TRPM3: variants seen among roughly 807,000 people sequenced by gnomAD.
The protein encoded by TRPM3 is long transient receptor potential channel 3.
TRPM3 carries 77 observed loss-of-function variants against 181.2 expected under a neutral mutation model. The ratio of observed to expected loss-of-function variants is 0.42; its 90% confidence interval spans 0.35 to 0.51. The LOEUF is 0.51. Ranked by LOEUF, TRPM3 falls within the 20% of genes least tolerant of loss-of-function variation. The probability of loss-of-function intolerance (pLI) is 0.01; values close to 1 mark genes in which losing one functional copy is unlikely to be tolerated. For missense variants in TRPM3, 1,759 were observed against 2,196.7 expected (o/e 0.80, Z 3.98); for synonymous variants, 745 against 796.4 (o/e 0.94, Z 1.09).
chr9:70,640,647 C>T lies in TRPM3; in HGVS notation c.1359G>A (p.Ser453=), dbSNP rs768989146. Residue 453 remains serine (S), a synonymous_variant, in exon 10 of 26, where the codon TCG becomes TCA. Transcript: ENST00000677713. Reference sequence around the variant, plus strand: ...AAGCTAAGCTCAGTTGGTCTGGGGCCGAGGCATTGGCTCCTGTGTGAGGAC... The same window carrying T: ...AAGCTAAGCTCAGTTGGTCTGGGGCTGAGGCATTGGCTCCTGTGTGAGGAC... The part of the protein sequence containing the change: ...LTALLKGANA[S]APDQLSLALA... 1.4e-5 allele frequency: 22 copies of T among 1,613,144 alleles called. No homozygotes were observed. Among genetic ancestry groups the T allele is most frequent in the African/African-American group, 2.7e-5 (2 of 74,864 alleles).
chr9:70,864,576 AT>A, intron 1 of TRPM3, 65 bp from the exon 2 acceptor site: 1 of 1,235,990 alleles, frequency 8.1e-7, no homozygotes, highest in Non-Finnish European at 1.1e-6. Flanking sequence ...ACCGTGAAAT[AT>A]TTTTAACTAG....
chr9:70,667,046 G>A (rs1447833452), intron 9 of TRPM3, among the ~76,000 whole-genome samples: 1 of 151,864 alleles, frequency 6.6e-6, no homozygotes, highest in African/African-American at 2.4e-5. Flanking sequence ...ATTAAAGACA[G>A]TATTGGTGAA....
chr9:70,896,363 G>A (rs975030214), intron 1 of TRPM3, among the ~76,000 whole-genome samples: 1 of 152,056 alleles, frequency 6.6e-6, no homozygotes, highest in Non-Finnish European at 1.5e-5. Context: ...AGACTTACTT[G>A]GCCAAATTAA....
upstream of TRPM3, among the ~76,000 whole-genome samples, chr9:71,124,040 C>T (rs1429135611): frequency 1.3e-5 from 2 of 152,078 alleles, no homozygotes; most frequent in African/African-American, 4.8e-5. Flanking sequence ...GGATTCACAG[C>T]CCTCTCTAAT....
intron 8 of TRPM3, among the ~76,000 whole-genome samples, chr9:70,740,124 T>C (rs1282170588): frequency 6.6e-6 from 1 of 152,124 alleles, no homozygotes; most frequent in East Asian, 1.9e-4. Context: ...TAAGCAAAGT[T>C]TCAAGATACA....
At chr9:70,811,029 G>T (rs1015020427) in intron 6 of TRPM3, 35 of 685,364 alleles carry the variant, frequency 5.1e-5, no homozygotes, top group African/African-American at 4.0e-4. Context: ...TTCTGATGTG[G>T]TTGAATGTCA....
intron 1 of TRPM3, among the ~76,000 whole-genome samples, chr9:71,446,472 G>A (rs2094205250): frequency 1.3e-5 from 2 of 152,184 alleles, no homozygotes; most frequent in South Asian, 2.1e-4. Flanking sequence ...GCTGAAGGGA[G>A]GGAAGACGTT....
At chr9:71,019,088 G>C (rs930952791) in intron 1 of TRPM3, among the ~76,000 whole-genome samples, 2 of 151,800 alleles carry the variant, frequency 1.3e-5, no homozygotes, top group East Asian at 3.8e-4. Context: ...AAGAATAAGA[G>C]AAAATTTCTT....
intron 1 of TRPM3, among the ~76,000 whole-genome samples, chr9:71,306,817 G>A (rs551157849): frequency 3.3e-5 from 5 of 152,312 alleles, no homozygotes; most frequent in African/African-American, 7.2e-5. Flanking sequence ...AGATTGCAGT[G>A]AGCCGAGATC....
intron 22 of TRPM3, among the ~76,000 whole-genome samples, chr9:70,570,531 A>G (rs2052004475): frequency 1.3e-5 from 2 of 151,996 alleles, no homozygotes; most frequent in South Asian, 4.2e-4. Flanking sequence ...CTGGTCTCGA[A>G]CTCCTGACCT....
At chr9:71,253,312 G>T (rs116633291) in intron 1 of TRPM3, among the ~76,000 whole-genome samples, 1,751 of 152,202 alleles carry the variant, frequency 0.012, 30 homozygotes, top group African/African-American at 0.04. Context: ...ATGCATTATG[G>T]CTTAGGTCAG....
At chr9:70,701,008 A>AT (rs1292761467) in intron 8 of TRPM3, among the ~76,000 whole-genome samples, 6 of 152,132 alleles carry the variant, frequency 3.9e-5, no homozygotes, top group East Asian at 1.9e-4. Context: ...AGATGCTGGC[A>AT]TTTTTTTTCA....
chr9:70,681,359 A>ACTGT (rs2065387418), intron 9 of TRPM3, 147 bp downstream of exon 9: 1 of 629,374 alleles, frequency 1.6e-6, no homozygotes, highest in Non-Finnish European at 2.7e-6. Flanking sequence ...AATAGCAGTA[A>ACTGT]CTGTCTTACA....
At chr9:70,676,293 A>G (rs894423871) in intron 9 of TRPM3, among the ~76,000 whole-genome samples, 2 of 152,232 alleles carry the variant, frequency 1.3e-5, no homozygotes, top group Non-Finnish European at 2.9e-5. Flanking sequence ...GAATGAAACT[A>G]TACAGTCATG....
rs143427864 is a variant in TRPM3, at chr9:71,070,916, A to G, written c.177+50262T>C. On this transcript the variant is annotated intron_variant, in intron 1 of 25. Transcript: ENST00000677713. The stretch of plus-strand genomic sequence containing the variant: ...ATGTCAAAACCATAACTGCTGCTTT[A>G]AAAGATTTCTTATCAGCTCTAAGGT... Among the ~76,000 whole-genome samples the G allele has an allele frequency of 2.0e-5, 3 of 152,332 alleles. No individual in the cohort carries two copies. In the East Asian group the frequency reaches 5.8e-4, roughly 29 times the overall value.
At chr9:70,586,857 C>T (rs2057224113) in intron 22 of TRPM3, among the ~76,000 whole-genome samples, 1 of 152,132 alleles carries the variant, frequency 6.6e-6, no homozygotes, top group Non-Finnish European at 1.5e-5. Flanking sequence ...GTTCTGATTT[C>T]CACATGGGAA....
At chr9:70,858,166 A>T (rs2095434220) in intron 3 of TRPM3, among the ~76,000 whole-genome samples, 1 of 152,220 alleles carries the variant, frequency 6.6e-6, no homozygotes, top group African/African-American at 2.4e-5. Flanking sequence ...ATAAAAATCA[A>T]TCTTCCTCTA....
chr9:70,763,716 C>T (rs2078583274), intron 7 of TRPM3, among the ~76,000 whole-genome samples: 1 of 152,108 alleles, frequency 6.6e-6, no homozygotes, highest in Non-Finnish European at 1.5e-5. Flanking sequence ...AACAGAGGAG[C>T]TATATATGCA....
At chr9:70,789,537 T>C (rs1257921635) in intron 6 of TRPM3, among the ~76,000 whole-genome samples, 1 of 152,234 alleles carries the variant, frequency 6.6e-6, no homozygotes, top group African/African-American at 2.4e-5. Flanking sequence ...AGTAAGCCAA[T>C]TCCTTAGTTG....
Sources: allele counts gnomAD v4.1 joint callset (sites outside exome capture counted in the v4.1 genomes callset), GRCh38; gene constraint gnomAD v4.1.1; transcripts MANE v1.5; gene names NCBI Gene and HGNC (gene_info 2026-07-23, HGNC 2026-07-21).